Variants in SSBP3 observed in about 807,000 individuals in gnomAD.
SSBP3 encodes single-stranded DNA-binding protein 3.
In SSBP3, 5 loss-of-function variants were observed where a neutral mutation model predicts 69.6. The observed-to-expected ratio is 0.07, with a 90% confidence interval of 0.04 to 0.15. The LOEUF is 0.15. Ranked by LOEUF, SSBP3 falls within the 10% of genes least tolerant of loss-of-function variation. SSBP3 has a pLI of 1.00. For missense variants in SSBP3, 312 were observed against 534.0 expected, an observed-to-expected ratio of 0.58 and a Z score of 4.10; for synonymous variants, 196 against 193.4, an observed-to-expected ratio of 1.01 and a Z score of -0.11.
At chr1:54,235,165 T>C (rs778200417) in intron 14 of SSBP3, among the ~76,000 whole-genome samples, 6 of 152,154 alleles carry the variant, frequency 3.9e-5, no homozygotes, top group Non-Finnish European at 5.9e-5. Context: ...TCTCCAAAGA[T>C]GTCCATCCAT....
intron 5 of SSBP3, among the ~76,000 whole-genome samples, chr1:54,267,302 T>A (rs899460795): frequency 4.6e-5 from 7 of 152,278 alleles, no homozygotes; most frequent in Admixed American, 3.3e-4. Flanking sequence ...CCAATATCCA[T>A]AACATATGTG....
At chr1:54,379,237 G>A (rs1311139828) in intron 4 of SSBP3, among the ~76,000 whole-genome samples, 2 of 152,254 alleles carry the variant, frequency 1.3e-5, no homozygotes, top group Non-Finnish European at 2.9e-5. Flanking sequence ...GCCTTCGCCA[G>A]CAGCACACCT....
chr1:54,340,526 A>C (rs1479663816), intron 4 of SSBP3, among the ~76,000 whole-genome samples: 1 of 152,246 alleles, frequency 6.6e-6, no homozygotes, highest in Non-Finnish European at 1.5e-5. Context: ...AAACCCCAAA[A>C]GCAAGTCCAC....
intron 4 of SSBP3, among the ~76,000 whole-genome samples, chr1:54,351,478 C>T (rs759780037): frequency 4.6e-5 from 7 of 152,206 alleles, no homozygotes; most frequent in Admixed American, 1.3e-4. Context: ...GCCCACCTAC[C>T]TCCTGGGCCA....
At chr1:54,281,591 C>T (rs1645393719) in intron 4 of SSBP3, 64 bp from the exon 5 acceptor site, 1 of 1,452,444 alleles carries the variant, frequency 6.9e-7, no homozygotes, top group Non-Finnish European at 9.5e-7. Flanking sequence ...AGAGTTCTGA[C>T]CCCTGGACTT....
rs371793599 is a variant in SSBP3 at position 54,371,992 on chromosome 1, AG to A, written c.276+29868del. ...ATGGGTTATACTCACTTTACAGATAAGGAAACTGAGTTGGAAGGGACTCACC... is the reference window on the plus strand; with the variant it reads ...ATGGGTTATACTCACTTTACAGATAAGAAACTGAGTTGGAAGGGACTCACC... On this transcript the variant is annotated intron_variant, in intron 4 of 17. Transcript: ENST00000610401. Among the ~76,000 whole-genome samples the A allele has an allele frequency of 1.9e-3, 290 of 152,240 alleles. 16 individuals are homozygous for A. The South Asian group carries it at 0.041, about 22-fold the overall frequency.
intron 4 of SSBP3, among the ~76,000 whole-genome samples, chr1:54,375,196 CCAT>C (rs1647197975): frequency 1.3e-5 from 2 of 152,188 alleles, no homozygotes; most frequent in African/African-American, 4.8e-5. Flanking sequence ...AGCACAACAG[CCAT>C]CATCAGACAG....
At chr1:54,398,071 G>A (rs766309960) in intron 4 of SSBP3, among the ~76,000 whole-genome samples, 1 of 152,188 alleles carries the variant, frequency 6.6e-6, no homozygotes, top group Non-Finnish European at 1.5e-5. Context: ...TATCAAGTAA[G>A]TGTCAATAAA....
intron 5 of SSBP3, among the ~76,000 whole-genome samples, chr1:54,272,243 C>T (rs1645205540): frequency 6.6e-6 from 1 of 152,214 alleles, no homozygotes; most frequent in Non-Finnish European, 1.5e-5. Flanking sequence ...TGGTTCCCTG[C>T]ACTTAGAACA....
At chr1:54,368,826 G>A (rs1022452161) in intron 4 of SSBP3, among the ~76,000 whole-genome samples, 2 of 152,196 alleles carry the variant, frequency 1.3e-5, no homozygotes, top group East Asian at 1.9e-4. Context: ...GGGGGCCCCC[G>A]TGGCTCTCAC....
At chr1:54,295,257 T>G (rs377153272) in intron 4 of SSBP3, among the ~76,000 whole-genome samples, 8 of 152,196 alleles carry the variant, frequency 5.3e-5, no homozygotes, top group African/African-American at 1.9e-4. Flanking sequence ...GTCCTGGGAA[T>G]GGCTCCAGCC....
intron 7 of SSBP3, among the ~76,000 whole-genome samples, chr1:54,255,981 A>G (rs1644913916): frequency 6.6e-6 from 1 of 152,090 alleles, no homozygotes; most frequent in Admixed American, 6.5e-5. Context: ...CTGAGGCAGG[A>G]GAACTGCTTG....
intron 4 of SSBP3, among the ~76,000 whole-genome samples, chr1:54,347,273 A>G (rs189691261): frequency 2.8e-4 from 42 of 151,494 alleles, no homozygotes; most frequent in Admixed American, 2.6e-3. Flanking sequence ...CAGCCCTCCT[A>G]TATACTTTAA....
intron 5 of SSBP3, among the ~76,000 whole-genome samples, chr1:54,272,335 C>A (rs1174053133): frequency 1.3e-5 from 2 of 152,120 alleles, no homozygotes; most frequent in African/African-American, 2.4e-5. Context: ...CCAGACTCCC[C>A]TGAAGGGGAG....
chr1:54,243,437 CA>C, intron 9 of SSBP3, 138 bp from the exon 10 acceptor site: 1 of 1,098,746 alleles, frequency 9.1e-7, no homozygotes. Flanking sequence ...TACATTCTTT[CA>C]AAAACGGTGG....
At chr1:54,397,146 GA>G (rs1233943306) in intron 4 of SSBP3, among the ~76,000 whole-genome samples, 1 of 152,222 alleles carries the variant, frequency 6.6e-6, no homozygotes, top group East Asian at 1.9e-4. Context: ...GCAACGCCGT[GA>G]ACTTGCCAGG....
intron 4 of SSBP3, among the ~76,000 whole-genome samples, chr1:54,357,577 T>C (rs1569922933): frequency 6.6e-6 from 1 of 152,186 alleles, no homozygotes; most frequent in South Asian, 2.1e-4. Context: ...AGGGGACCCA[T>C]GGGGTGAAAT....
At chr1:54,354,752 C>G (rs765919377) in intron 4 of SSBP3, among the ~76,000 whole-genome samples, 1 of 152,124 alleles carries the variant, frequency 6.6e-6, no homozygotes, top group Non-Finnish European at 1.5e-5. Flanking sequence ...AACAAGAAAC[C>G]CAGGAAGCCA....
At chr1:54,250,668 G>GA (rs1465907220) in intron 9 of SSBP3, among the ~76,000 whole-genome samples, 37 of 152,178 alleles carry the variant, frequency 2.4e-4, no homozygotes, top group African/African-American at 8.2e-4. Flanking sequence ...GAAAAGAAGG[G>GA]AAAGAACACC....
Sources: gnomAD v4.1 joint callset for allele counts (sites outside exome capture counted in the v4.1 genomes callset) on GRCh38, gnomAD v4.1.1 for gene constraint, MANE v1.5 for transcripts, NCBI Gene and HGNC (gene_info 2026-07-23, HGNC 2026-07-21) for gene names.